CLEC12A: variants seen among roughly 807,000 people sequenced by gnomAD.
CLEC12A encodes C-type lectin domain family 12 member A.
A neutral mutation model predicts 26.5 loss-of-function variants in CLEC12A; 22 were observed. The observed-to-expected ratio is 0.83, with a 90% CI of 0.59 to 1.19. The LOEUF (loss-of-function observed/expected upper bound fraction) is 1.19. CLEC12A is among the 50% of genes most tolerant of loss of function. The pLI, the probability that CLEC12A is intolerant of heterozygous loss-of-function variation, is 0.00. For synonymous variants in CLEC12A, 119 were observed against 101.9 expected (o/e 1.17, Z -1.01); for missense variants, 353 against 315.6 (o/e 1.12, Z -0.90).
downstream of CLEC12A, chr12:9,997,075 T>A (rs2137242039): frequency 1.4e-5 from 22 of 1,609,350 alleles, no homozygotes; most frequent in Non-Finnish European, 1.9e-5. Context: ...CAATGTTTTC[T>A]GCAGATCTCA....
Position 9,980,580 on chromosome 12 carries a change from A to T in CLEC12A, c.380-2A>T. On this transcript the variant is annotated splice_acceptor_variant, in intron 3 of 5. Transcript: ENST00000304361. LOFTEE classifies it high-confidence loss of function. ...CCAAATAAAACTATGTTCTTCTTCC[A>T]GAGCACAAATGTAAGCCTTGTCCAA... is the stretch of plus-strand genomic sequence containing the variant. 1.9e-6 allele frequency: 3 copies of T among 1,610,506 alleles called. No individual in the cohort carries two copies. The highest frequency in any genetic ancestry group is 1.7e-6 in the Non-Finnish European group (2 of 1,178,686).
chr12:9,962,637 G>A (rs1305172648), intron 1 of CLEC12A, among the ~76,000 whole-genome samples: 1 of 152,180 alleles, frequency 6.6e-6, no homozygotes, highest in South Asian at 2.1e-4. Context: ...CAGGAGTGGG[G>A]GCCACAAGGT....
chr12:9,996,661 T>C (rs1387145119), downstream of CLEC12A: 7 of 712,836 alleles, frequency 9.8e-6, no homozygotes, highest in Admixed American at 1.4e-4. Context: ...TCTATCAGTG[T>C]TGTAGAATAT....
At chr12:9,970,511 G>C (rs1269665149), upstream of CLEC12A, among the ~76,000 whole-genome samples, 1 of 152,066 alleles carries the variant, frequency 6.6e-6, no homozygotes, top group Non-Finnish European at 1.5e-5. Flanking sequence ...ACGAATATTA[G>C]AGAACATGCT....
chr12:10,002,440 G>GTTTTTTTTTTTTTTTTTTTTT, the CLEC12A span, among the ~76,000 whole-genome samples: 12 of 40,484 alleles, frequency 3.0e-4, 1 homozygote, highest in South Asian at 5.4e-4. Flanking sequence ...GTTGGGTAAT[G>GTTTTTTTTTTTTTTTTTTTTT]TTTTTTTTTT....
upstream of CLEC12A, among the ~76,000 whole-genome samples, chr12:9,970,950 A>T (rs1212199342): frequency 6.6e-6 from 1 of 152,172 alleles, no homozygotes. Context: ...TTATTTAGAG[A>T]AACTAGGCAT....
At chr12:9,974,182 G>C (rs1269463459) in intron 1 of CLEC12A, among the ~76,000 whole-genome samples, 1 of 152,104 alleles carries the variant, frequency 6.6e-6, no homozygotes, top group Non-Finnish European at 1.5e-5. Context: ...CATTGAAAAA[G>C]TTGAACAGTC....
At chr12:9,997,139 G>T, downstream of CLEC12A, 1 of 1,613,484 alleles carries the variant, frequency 6.2e-7, no homozygotes, top group South Asian at 1.1e-5. Context: ...GAGATGAAGA[G>T]GTTAAAAAAA....
chr12:9,970,841 C>A (rs1303339494), upstream of CLEC12A, among the ~76,000 whole-genome samples: 1 of 152,080 alleles, frequency 6.6e-6, no homozygotes, highest in Non-Finnish European at 1.5e-5. Flanking sequence ...TATAGGTTGG[C>A]GCTAAAGTAA....
chr12:9,992,820 T>C (rs932281128), intron 4 of CLEC12A: 2 of 211,226 alleles, frequency 9.5e-6, no homozygotes, highest in Admixed American at 5.3e-5. Context: ...AGCCCTAACC[T>C]ATATTGGCCT....
rs569128564 is a variant in CLEC12A, at chr12:9,959,221, C to T, written c.10+7865C>T. 1.2e-3 allele frequency among the ~76,000 whole-genome samples: 189 copies of T among 152,108 alleles called. 1 individual carries two copies. Among genetic ancestry groups the T allele is most frequent in the African/African-American group, 4.4e-3 (181 of 41,510 alleles). On this transcript the variant is annotated intron_variant, in intron 1 of 6. Coordinates refer to the CLEC12A transcript ENST00000355690. ...ATCCCTGCACTTTGGGAGGCTGAGG[C>T]GGGTGGATCACATGAGGTCAGGAGT...
upstream of CLEC12A, among the ~76,000 whole-genome samples, chr12:9,970,967 C>A (rs1231756851): frequency 6.6e-6 from 1 of 152,202 alleles, no homozygotes; most frequent in African/African-American, 2.4e-5. Flanking sequence ...GCATTCCCTA[C>A]CTCTCTTAGG....
downstream of CLEC12A, chr12:9,985,627 G>T (rs1226987423): frequency 7.6e-6 from 3 of 394,782 alleles, no homozygotes; most frequent in Admixed American, 1.3e-4. Flanking sequence ...TAACTTCTGT[G>T]TGTTGAGCTA....
At chr12:9,983,493 C>T in intron 5 of CLEC12A, 1 of 693,028 alleles carries the variant, frequency 1.4e-6, no homozygotes, top group Non-Finnish European at 2.6e-6. Context: ...TGGCAAATTC[C>T]ATTTGTATTT....
upstream of CLEC12A, among the ~76,000 whole-genome samples, chr12:9,970,369 T>G (rs1486671032): frequency 6.6e-6 from 1 of 152,194 alleles, no homozygotes; most frequent in Admixed American, 6.5e-5. Flanking sequence ...CCTGACATAA[T>G]AAAGCAATTA....
At chr12:9,993,007 A>T in intron 4 of CLEC12A, 2 of 774,730 alleles carry the variant, frequency 2.6e-6, no homozygotes, top group Middle Eastern at 4.0e-4. Context: ...TAATTCTGAT[A>T]GGAAAGATAA....
chr12:9,975,548 A>C (rs559199216), intron 1 of CLEC12A, among the ~76,000 whole-genome samples: 4 of 152,338 alleles, frequency 2.6e-5, no homozygotes, highest in African/African-American at 4.8e-5. Context: ...AAAGCATTAA[A>C]GACGTGACTC....
intron 1 of CLEC12A, among the ~76,000 whole-genome samples, chr12:9,975,940 G>T (rs1011980964): frequency 4.6e-5 from 7 of 152,290 alleles, no homozygotes; most frequent in Non-Finnish European, 8.8e-5. Flanking sequence ...CTTCGGAGAG[G>T]GTGCAAACCC....
intron 1 of CLEC12A, among the ~76,000 whole-genome samples, chr12:9,960,474 T>C (rs1863810968): frequency 6.6e-6 from 1 of 152,204 alleles, no homozygotes. Context: ...TAAAACGTTG[T>C]TCTAAAACTG....
Sources: gnomAD v4.1 joint callset for allele counts (sites outside exome capture counted in the v4.1 genomes callset) on GRCh38, gnomAD v4.1.1 for gene constraint, MANE v1.5 for transcripts, NCBI Gene and HGNC (gene_info 2026-07-23, HGNC 2026-07-21) for gene names.